Variants in SGCD observed in about 807,000 individuals in gnomAD.
SGCD encodes the protein sarcoglycan delta, also known as delta-sarcoglycan.
SGCD carries 18 observed loss-of-function variants against 36.6 expected under a neutral mutation model. The ratio of observed to expected loss-of-function variants is 0.49; its 90% CI spans 0.34 to 0.73. The LOEUF (loss-of-function observed/expected upper bound fraction) is 0.73, where lower values mean the gene tolerates loss of function less well. Ranked by LOEUF, SGCD falls within the 30% of genes least tolerant of loss-of-function variation. The pLI is 0.01. For missense variants in SGCD, 387 were observed against 346.7 expected (o/e 1.12, Z -0.92); for synonymous variants, 133 against 130.6 (o/e 1.02, Z -0.12).
intron 3 of SGCD, among the ~76,000 whole-genome samples, chr5:156,280,654 G>T (rs996329118): frequency 5.3e-5 from 8 of 152,176 alleles, no homozygotes; most frequent in Non-Finnish European, 7.4e-5. Flanking sequence ...TATTTTTCTT[G>T]TTCAGGGGCT....
At chr5:156,283,055 A>G (rs1766495538) in intron 3 of SGCD, among the ~76,000 whole-genome samples, 1 of 152,196 alleles carries the variant, frequency 6.6e-6, no homozygotes, top group Non-Finnish European at 1.5e-5. Context: ...AACACTTTTT[A>G]GTACGTCTAA....
chr5:156,470,718 A>G (rs2127827345), intron 3 of SGCD, among the ~76,000 whole-genome samples: 1 of 152,336 alleles, frequency 6.6e-6, no homozygotes, highest in African/African-American at 2.4e-5. Flanking sequence ...ACATTTGAAC[A>G]TGAGCAAATA....
chr5:156,378,667 A>T (rs1215486240), intron 3 of SGCD, among the ~76,000 whole-genome samples: 3 of 152,100 alleles, frequency 2.0e-5, no homozygotes, highest in South Asian at 2.1e-4. Flanking sequence ...CCATTTTCCC[A>T]TCACTCAACC....
intron 3 of SGCD, among the ~76,000 whole-genome samples, chr5:156,422,089 T>A (rs1250602387): frequency 6.6e-6 from 1 of 152,076 alleles, no homozygotes. Context: ...GGGTTGATAG[T>A]TCATATCTTG....
intron 7 of SGCD, among the ~76,000 whole-genome samples, chr5:156,724,205 C>T (rs1021521362): frequency 8.5e-5 from 13 of 152,316 alleles, no homozygotes; most frequent in Non-Finnish European, 1.3e-4. Context: ...TAATGCACTG[C>T]ACCAGGGTAG....
At chr5:155,823,125 TCTAGCTAC>T in the SGCD span, among the ~76,000 whole-genome samples, 1 of 149,764 alleles carries the variant, frequency 6.7e-6, no homozygotes, top group Non-Finnish European at 1.5e-5. Context: ...TGGCTAGCTA[TCTAGCTAC>T]CTAGCTAGCT....
chr5:156,203,142 T>A (rs1016533757), intron 3 of SGCD, among the ~76,000 whole-genome samples: 1 of 152,158 alleles, frequency 6.6e-6, no homozygotes, highest in Non-Finnish European at 1.5e-5. Context: ...TACTCTATAA[T>A]TTGGAATGCA....
chr5:155,953,011 T>C (rs901006371), intron 1 of SGCD, among the ~76,000 whole-genome samples: 1 of 152,198 alleles, frequency 6.6e-6, no homozygotes, highest in Admixed American at 6.5e-5. Flanking sequence ...ATATGAACTT[T>C]GCTTTCAACC....
Position 156,193,453 on chromosome 5 carries a change from C to G in SGCD, c.-44+69434C>G, listed in dbSNP as rs540873538. On this transcript the variant is annotated intron_variant, in intron 3 of 9. Coordinates refer to the SGCD transcript ENST00000517913. Reference sequence around the variant, plus strand: ...TTATGTATCTTCAGTTTAGTAACCTCCAAAAGATGCTTGCATTTCTCCTGG... The same window carrying G: ...TTATGTATCTTCAGTTTAGTAACCTGCAAAAGATGCTTGCATTTCTCCTGG... Among the ~76,000 whole-genome samples, 3 of 152,270 alleles carry G rather than the reference C, an allele frequency of 2.0e-5. No individual in the cohort carries two copies. The South Asian group carries it at 6.2e-4, about 32-fold the overall frequency.
intron 1 of SGCD, among the ~76,000 whole-genome samples, chr5:155,878,332 C>G (rs1036259789): frequency 2.0e-5 from 3 of 152,042 alleles, no homozygotes; most frequent in Non-Finnish European, 4.4e-5. Context: ...CTCTACCCTT[C>G]TTAGCATGTT....
chr5:156,273,865 G>T (rs933589376), intron 3 of SGCD, among the ~76,000 whole-genome samples: 1 of 152,112 alleles, frequency 6.6e-6, no homozygotes, highest in Admixed American at 6.6e-5. Flanking sequence ...ACCCTTGTAC[G>T]GTTGTCATGT....
At chr5:155,773,609 G>A in the SGCD span, among the ~76,000 whole-genome samples, 2 of 152,124 alleles carry the variant, frequency 1.3e-5, no homozygotes, top group Admixed American at 1.3e-4. Flanking sequence ...TATTTGGGAA[G>A]ACGGATATGT....
At chr5:156,399,737 ACTT>A (rs1334683286) in intron 3 of SGCD, among the ~76,000 whole-genome samples, 1 of 152,170 alleles carries the variant, frequency 6.6e-6, no homozygotes, top group Non-Finnish European at 1.5e-5. Flanking sequence ...CACTGTGTGG[ACTT>A]CACACATAAC....
chr5:156,591,082 C>G (rs1172213502), intron 5 of SGCD, among the ~76,000 whole-genome samples: 3 of 151,794 alleles, frequency 2.0e-5, no homozygotes, highest in Admixed American at 1.3e-4. Context: ...AACAATACAC[C>G]CTTAAAAGTT....
chr5:156,073,209 GC>G (rs1188602833), intron 1 of SGCD, among the ~76,000 whole-genome samples: 1 of 152,138 alleles, frequency 6.6e-6, no homozygotes, highest in African/African-American at 2.4e-5. Flanking sequence ...CGGAGTAGAT[GC>G]AAAGTTAGGA....
intron 4 of SGCD, among the ~76,000 whole-genome samples, chr5:156,570,891 T>C (rs2113287856): frequency 6.6e-6 from 1 of 152,338 alleles, no homozygotes; most frequent in East Asian, 1.9e-4. Flanking sequence ...CATATCTTTA[T>C]TTCTAGCCTT....
intron 6 of SGCD, among the ~76,000 whole-genome samples, chr5:156,610,265 A>G (rs927813319): frequency 6.6e-6 from 1 of 152,216 alleles, no homozygotes; most frequent in Non-Finnish European, 1.5e-5. Context: ...TCTAACAGTC[A>G]GGACCCTCAG....
chr5:156,699,226 G>A (rs1389235551), intron 7 of SGCD, among the ~76,000 whole-genome samples: 1 of 152,062 alleles, frequency 6.6e-6, no homozygotes, highest in African/African-American at 2.4e-5. Flanking sequence ...TTTTTTAATG[G>A]GAATCAGGTA....
intron 3 of SGCD, among the ~76,000 whole-genome samples, chr5:156,128,330 T>A (rs1462019270): frequency 2.6e-5 from 4 of 152,224 alleles, no homozygotes; most frequent in Admixed American, 2.0e-4. Flanking sequence ...AATTTGGCAG[T>A]TTCTTATAAA....
Sources: gnomAD v4.1 joint callset for allele counts (sites outside exome capture counted in the v4.1 genomes callset) on GRCh38, gnomAD v4.1.1 for gene constraint, MANE v1.5 for transcripts, NCBI Gene and HGNC (gene_info 2026-07-23, HGNC 2026-07-21) for gene names.